XKR4: variants seen among roughly 807,000 people sequenced by gnomAD.
The protein encoded by XKR4 is XK-related protein 4.
A neutral mutation model predicts 53.9 loss-of-function variants in XKR4; 12 were observed. That is an observed-to-expected ratio of 0.22 (90% CI 0.14 to 0.36). The LOEUF is 0.36. XKR4 is among the 10% of genes least tolerant of loss of function. The probability of loss-of-function intolerance (pLI) is 1.00; values close to 1 mark genes in which losing one functional copy is unlikely to be tolerated. For missense variants in XKR4, 799 were observed against 859.5 expected, an observed-to-expected ratio of 0.93 and a Z score of 0.88; for synonymous variants, 354 against 362.4, an observed-to-expected ratio of 0.98 and a Z score of 0.26.
chr8:55,103,201 G>A lies in XKR4; in HGVS notation c.713G>A (p.Arg238Gln), dbSNP rs200719746. Residue 238 changes from arginine (R) to glutamine (Q), a missense_variant, in exon 1 of 3, where the codon CGG becomes CAG. Around this residue, in one of 3 missense-constraint regions of XKR4, gnomAD observed 476 missense variants for 505.4 expected, o/e 0.94. Transcript: ENST00000327381. ...GGCAGCAACAGCAGCGGGGCTACCC[G>A]GGCCAGTGGCAAGCACAGGTCTGCG... ...NSGSNSSGAT[R>Q]ASGKHRSASC... The A allele has an allele frequency of 2.6e-5, 42 of 1,614,018 alleles. No individual in the cohort carries two copies. In the East Asian group the frequency reaches 9.4e-4, roughly 36 times the overall value.
rs903545044 is a variant in XKR4 at position 55,524,325 on chromosome 8, G to C, written c.*98G>C. On this transcript the variant is annotated 3_prime_UTR_variant, in exon 3 of 3. Transcript: ENST00000327381. Reference sequence around the variant, plus strand: ...TCATCCTAGAGCAGGGCAGTGAGCCGTGAAGTTCCTAGTGGGACCGTCATC... The same window carrying C: ...TCATCCTAGAGCAGGGCAGTGAGCCCTGAAGTTCCTAGTGGGACCGTCATC... The C allele has an allele frequency of 1.6e-6, 2 of 1,224,428 alleles. No homozygotes were observed. The highest frequency in any genetic ancestry group is 2.5e-5 in the East Asian group (1 of 40,668). 75.8% of individuals were successfully genotyped at this position (1,224,428 alleles called of 1,614,324 possible).
At chr8:55,165,804 C>CAA (rs536690179) in intron 1 of XKR4, among the ~76,000 whole-genome samples, 6 of 60,450 alleles carry the variant, frequency 9.9e-5, no homozygotes, top group East Asian at 8.3e-4. Flanking sequence ...GACTCCGTCT[C>CAA]AAAAAAAAAA....
chr8:55,306,546 C>T (rs1819302711), intron 1 of XKR4, among the ~76,000 whole-genome samples: 1 of 152,180 alleles, frequency 6.6e-6, no homozygotes, highest in East Asian at 1.9e-4. Flanking sequence ...AGTCACATCA[C>T]ATGGATGGCA....
At chr8:55,485,678 C>T (rs779224928) in intron 2 of XKR4, among the ~76,000 whole-genome samples, 30 of 152,092 alleles carry the variant, frequency 2.0e-4, no homozygotes, top group Non-Finnish European at 3.7e-4. Flanking sequence ...GGATTACAGG[C>T]GTGAACCACC....
At chr8:55,381,416 T>C (rs1439416694) in intron 2 of XKR4, among the ~76,000 whole-genome samples, 1 of 152,158 alleles carries the variant, frequency 6.6e-6, no homozygotes, top group Non-Finnish European at 1.5e-5. Flanking sequence ...CTCTAGGCTG[T>C]CTGCAAGCTG....
chr8:55,505,325 T>G (rs1024119559), intron 2 of XKR4, among the ~76,000 whole-genome samples: 1 of 152,196 alleles, frequency 6.6e-6, no homozygotes, highest in Non-Finnish European at 1.5e-5. Flanking sequence ...TTTGACCCAC[T>G]GGTTAAGAGT....
At chr8:55,479,569 T>C (rs1051949670) in intron 2 of XKR4, among the ~76,000 whole-genome samples, 3 of 151,462 alleles carry the variant, frequency 2.0e-5, no homozygotes, top group African/African-American at 4.9e-5. Context: ...CTGAAGGAAA[T>C]AGAGACACAA....
chr8:55,527,059 A>C lies in XKR4; in HGVS notation c.*2832A>C, dbSNP rs567982629. On this transcript the variant is annotated 3_prime_UTR_variant, in exon 3 of 3. Transcript: ENST00000327381. The stretch of plus-strand genomic sequence containing the variant: ...AGAGCAAAACAAGAGATAAATCATG[A>C]TTTAGCCTTGCTTCCATGATTCAGG... 1 of 152,332 alleles carries C rather than the reference A, an allele frequency of 6.6e-6. No individual in the cohort carries two copies. The highest frequency in any genetic ancestry group is 6.5e-5 in the Admixed American group (1 of 15,300). The allele number at this position is 152,332 out of a possible 1,614,324, so 9.4% of individuals were successfully genotyped here.
intron 2 of XKR4, among the ~76,000 whole-genome samples, chr8:55,405,888 T>C (rs1156574534): frequency 6.6e-6 from 1 of 152,240 alleles, no homozygotes; most frequent in Non-Finnish European, 1.5e-5. Flanking sequence ...CTCTGCTGAC[T>C]TCCTTCTCTG....
At chr8:55,316,388 C>G in intron 1 of XKR4, among the ~76,000 whole-genome samples, 1 of 152,234 alleles carries the variant, frequency 6.6e-6, no homozygotes, top group East Asian at 1.9e-4. Context: ...AGCGAGAAAG[C>G]CAAGGATGAG....
intron 2 of XKR4, among the ~76,000 whole-genome samples, chr8:55,482,090 T>A (rs929909709): frequency 7.2e-5 from 11 of 152,176 alleles, no homozygotes; most frequent in African/African-American, 2.7e-4. Flanking sequence ...TAAAGACACA[T>A]GCACACGTAT....
chr8:55,486,182 T>C (rs1806188981), intron 2 of XKR4, among the ~76,000 whole-genome samples: 1 of 152,230 alleles, frequency 6.6e-6, no homozygotes, highest in Admixed American at 6.5e-5. Context: ...CGCATCACTT[T>C]GGTGCATAAT....
At chr8:55,515,442 A>G (rs963443519) in intron 2 of XKR4, among the ~76,000 whole-genome samples, 6 of 152,074 alleles carry the variant, frequency 3.9e-5, no homozygotes, top group African/African-American at 1.4e-4. Context: ...TAGGTTAATT[A>G]GCTATGATTC....
Position 55,428,629 on chromosome 8 carries a change from G to C in XKR4, c.1006+70752G>C, listed in dbSNP as rs148856909. Among the ~76,000 whole-genome samples, 47 of 152,274 alleles carry C rather than the reference G, an allele frequency of 3.1e-4. 1 individual carries two copies. Among genetic ancestry groups the C allele is most frequent in the African/African-American group, 1.1e-3 (47 of 41,556 alleles). ...CGAGTCTGCTTTTCTCAACTCCCCC[G>C]TGTGTCACATGAGACTGCATGGGGA... On this transcript the variant is annotated intron_variant, in intron 2 of 2. Coordinates refer to ENST00000327381, the MANE Select transcript of XKR4 (RefSeq NM_052898.2).
chr8:55,373,258 C>T (rs886235897), intron 2 of XKR4, among the ~76,000 whole-genome samples: 5 of 152,236 alleles, frequency 3.3e-5, no homozygotes, highest in East Asian at 1.9e-4. Context: ...CCGCCACCTC[C>T]GGGGTTCAAG....
chr8:55,392,955 A>C (rs1804463209), intron 2 of XKR4, among the ~76,000 whole-genome samples: 1 of 152,110 alleles, frequency 6.6e-6, no homozygotes, highest in African/African-American at 2.4e-5. Flanking sequence ...TCCTGTAAGC[A>C]CTGAATGCAG....
intron 2 of XKR4, among the ~76,000 whole-genome samples, chr8:55,393,431 GAAGGAAGGAAGGAAGGAAGGAAGGAAGA>G (rs1188443603): frequency 3.4e-5 from 2 of 58,964 alleles, no homozygotes; most frequent in Admixed American, 2.3e-4. Flanking sequence ...AGGAAGGAAG[GAAGGAAGGAAGGAAGGAAGGAAGGAAGA>G]AAGGAAGGAA....
chr8:55,117,868 T>C (rs1249310141), intron 1 of XKR4, among the ~76,000 whole-genome samples: 1 of 152,208 alleles, frequency 6.6e-6, no homozygotes, highest in African/African-American at 2.4e-5. Flanking sequence ...AGACCAATTA[T>C]GGGATTTTCT....
chr8:55,195,895 G>A (rs558212000), intron 1 of XKR4, among the ~76,000 whole-genome samples: 1 of 152,256 alleles, frequency 6.6e-6, no homozygotes, highest in Non-Finnish European at 1.5e-5. Context: ...CCCCAAACCT[G>A]CCAAATCAGT....
Sources: allele counts gnomAD v4.1 joint callset (sites outside exome capture counted in the v4.1 genomes callset), GRCh38; gene constraint gnomAD v4.1.1; regional missense constraint gnomAD v4.1.1; transcripts MANE v1.5; gene names NCBI Gene and HGNC (gene_info 2026-07-23, HGNC 2026-07-21).